The following DYNC2I1 variants were observed in gnomAD, a reference collection of about 807,000 sequenced individuals.
DYNC2I1 encodes cytoplasmic dynein 2 intermediate chain 1.
Under a neutral mutation model 133.4 loss-of-function variants are expected in DYNC2I1, and 89 were observed. The observed-to-expected ratio is 0.67, with a 90% confidence interval of 0.56 to 0.80. DYNC2I1 has a LOEUF of 0.80. Among genes scored for constraint, DYNC2I1 ranks in the 30% least tolerant of loss-of-function variants. The probability of loss-of-function intolerance (pLI) is 0.00; values close to 1 mark genes in which losing one functional copy is unlikely to be tolerated. For missense variants in DYNC2I1, 1,291 were observed against 1,314.5 expected (o/e 0.98, Z 0.28); for synonymous variants, 504 against 484.3 (o/e 1.04, Z -0.54).
At position 158,918,726 on chromosome 7, in the gene DYNC2I1, C is replaced by G. The variant is rs1848727782; in HGVS notation, c.1792-14C>G. 6.2e-7 allele frequency: 1 copy of G among 1,613,156 alleles called. No homozygotes were observed. Among genetic ancestry groups the G allele is most frequent in the African/African-American group, 1.3e-5 (1 of 75,000 alleles). ...TGAAGTTTTTATTAAAGACTACTCA[C>G]TTATGTCTGACAGGTGATGGCCGTT... is the stretch of plus-strand genomic sequence containing the variant. On this transcript the variant is annotated splice_polypyrimidine_tract_variant and intron_variant, in intron 14 of 24. Coordinates refer to ENST00000407559, the MANE Select transcript of DYNC2I1 (RefSeq NM_018051.5).
At position 158,911,537 on chromosome 7, in the gene DYNC2I1, A is replaced by G. The variant is rs749505270; in HGVS notation, c.1461-13A>G. Reference sequence around the variant, plus strand: ...CGAGTTAATTTTTGTCTTGTTTCCAATTTATTTCAAAGGATGCGAAGTACA... The same window carrying G: ...CGAGTTAATTTTTGTCTTGTTTCCAGTTTATTTCAAAGGATGCGAAGTACA... On this transcript the variant is annotated splice_polypyrimidine_tract_variant and intron_variant, in intron 11 of 24. Coordinates refer to ENST00000407559, the MANE Select transcript of DYNC2I1 (RefSeq NM_018051.5). The G allele has an allele frequency of 9.3e-6, 15 of 1,608,168 alleles. No homozygotes were observed. The highest frequency in any genetic ancestry group is 2.2e-5 in the East Asian group (1 of 44,816).
At chr7:158,875,837 A>G (rs1416576055) in intron 3 of DYNC2I1, among the ~76,000 whole-genome samples, 1 of 152,134 alleles carries the variant, frequency 6.6e-6, no homozygotes, top group Non-Finnish European at 1.5e-5. Flanking sequence ...GTGTTGGCCG[A>G]CTGGGCTGGT....
intron 3 of DYNC2I1, among the ~76,000 whole-genome samples, chr7:158,872,458 C>A (rs1842971464): frequency 6.6e-6 from 1 of 151,816 alleles, no homozygotes; most frequent in Non-Finnish European, 1.5e-5. Context: ...CATGGTGAGA[C>A]CCTGTCTCTA....
intron 21 of DYNC2I1, among the ~76,000 whole-genome samples, chr7:158,932,723 TAGG>T (rs1476370051): frequency 3.9e-5 from 6 of 152,024 alleles, no homozygotes; most frequent in Non-Finnish European, 8.8e-5. Context: ...GGAGAGCAGT[TAGG>T]AGGCTTCTGG....
At chr7:158,863,664 G>GC (rs60687484) in intron 1 of DYNC2I1, among the ~76,000 whole-genome samples, 2,545 of 71,754 alleles carry the variant, frequency 0.035, 297 homozygotes, top group East Asian at 0.33. Flanking sequence ...AGCTGGGGGG[G>GC]GGTGTGGGGA....
Position 158,942,034 on chromosome 7 carries a change from C to T in DYNC2I1, c.2888C>T (p.Ser963Phe). ...DSHAVTGLQWSPTRPAVFLVQ... is the reference protein window; with the variant it reads ...DSHAVTGLQWFPTRPAVFLVQ... ...CATGCGGTCACCGGCCTGCAGTGGT[C>T]CCCAACCAGGCCTGCCGTGTTCCTG... The change falls in exon 24 of 25, where the codon TCC (serine) becomes TTC (phenylalanine). Residue 963 changes from serine (S) to phenylalanine (F), a missense_variant. Transcript: ENST00000407559. 1 of 1,613,376 alleles carries T rather than the reference C, an allele frequency of 6.2e-7. No individual in the cohort carries two copies. The highest frequency in any genetic ancestry group is 1.1e-5 in the South Asian group (1 of 91,014).
chr7:158,902,308 T>A (rs1253719191), intron 9 of DYNC2I1, 68 bp from the exon 10 acceptor site: 4 of 1,309,450 alleles, frequency 3.1e-6, no homozygotes, highest in African/African-American at 1.5e-5. Context: ...TCATGTTTTG[T>A]TCAGTATGAG....
intron 4 of DYNC2I1, among the ~76,000 whole-genome samples, chr7:158,878,860 G>T (rs533020147): frequency 2.0e-5 from 3 of 147,634 alleles, no homozygotes; most frequent in South Asian, 4.3e-4. Context: ...GGGTGGCCAG[G>T]AGGGCCGACT....
At chr7:158,884,935 C>A (rs892642626) in intron 6 of DYNC2I1, among the ~76,000 whole-genome samples, 8 of 152,026 alleles carry the variant, frequency 5.3e-5, no homozygotes, top group African/African-American at 1.9e-4. Flanking sequence ...TTAACATTTG[C>A]TCATGCAAAA....
chr7:158,874,610 C>G (rs1408741189), intron 3 of DYNC2I1, among the ~76,000 whole-genome samples: 1 of 152,170 alleles, frequency 6.6e-6, no homozygotes, highest in Non-Finnish European at 1.5e-5. Flanking sequence ...CTCTTCTCAT[C>G]TCCTTTCTTT....
intron 1 of DYNC2I1, among the ~76,000 whole-genome samples, chr7:158,868,775 C>G (rs1842633085): frequency 2.0e-5 from 3 of 152,230 alleles, no homozygotes; most frequent in Admixed American, 6.5e-5. Context: ...CTGATTTGTT[C>G]CTTGGCAGGA....
intron 5 of DYNC2I1, among the ~76,000 whole-genome samples, chr7:158,882,747 G>T (rs548377655): frequency 1.3e-5 from 2 of 152,008 alleles, no homozygotes; most frequent in East Asian, 3.9e-4. Context: ...ATGGTGGCAC[G>T]TGCCTGTAAT....
At chr7:158,850,361 C>T in the DYNC2I1 span, among the ~76,000 whole-genome samples, 1 of 152,206 alleles carries the variant, frequency 6.6e-6, no homozygotes, top group Non-Finnish European at 1.5e-5. Context: ...TTTCTGGCCA[C>T]TCCCAGGCAA....
chr7:158,882,592 A>T (rs962850816), intron 5 of DYNC2I1, among the ~76,000 whole-genome samples: 4 of 151,670 alleles, frequency 2.6e-5, no homozygotes, highest in Non-Finnish European at 5.9e-5. Context: ...TAAAAAAGAG[A>T]CCAGGCATGG....
At chr7:158,895,322 G>A (rs1845662611) in intron 8 of DYNC2I1, among the ~76,000 whole-genome samples, 6 of 152,170 alleles carry the variant, frequency 3.9e-5, no homozygotes, top group Admixed American at 3.9e-4. Flanking sequence ...GTGTTTTCTT[G>A]AGGGGTGTAA....
intron 4 of DYNC2I1, among the ~76,000 whole-genome samples, chr7:158,951,239 TAG>T (rs1852044592): frequency 6.6e-6 from 1 of 152,220 alleles, no homozygotes. Flanking sequence ...TTATGGACAG[TAG>T]AGAGGGAGGT....
Position 158,945,791 on chromosome 7 carries a change from G to A in DYNC2I1, c.*12G>A, listed in dbSNP as rs779982768. On this transcript the variant is annotated 3_prime_UTR_variant, in exon 25 of 25. Transcript: ENST00000407559. This position sits in a 1 kb window ranked among gnomAD's most constrained non-coding sequence, Gnocchi z 4.1. ...AACTGCACAAGTAGCGGGTGTGGCTGAGAGGACCGCGTTTCTGTAATGACC... is the reference window on the plus strand; with the variant it reads ...AACTGCACAAGTAGCGGGTGTGGCTAAGAGGACCGCGTTTCTGTAATGACC... 2.6e-6 allele frequency: 4 copies of A among 1,524,718 alleles called. No individual in the cohort carries two copies. The highest frequency in any genetic ancestry group is 1.3e-5 in the South Asian group (1 of 76,468). The allele number at this position is 1,524,718 out of a possible 1,614,324, so 94.4% of individuals were successfully genotyped here.
intron 8 of DYNC2I1, among the ~76,000 whole-genome samples, chr7:158,894,112 T>TATCATACCGCATATCCTACC (rs1563126231): frequency 3.3e-4 from 16 of 48,630 alleles, no homozygotes; most frequent in Admixed American, 6.9e-4. Context: ...CATATCCTAC[T>TATCATACCGCATATCCTACC]GCATATCCTA....
chr7:158,879,848 T>C lies in DYNC2I1; in HGVS notation c.738T>C (p.Asn246=). Residue 246 remains asparagine, a synonymous_variant, in exon 5 of 25, where the codon AAT becomes AAC. Coordinates refer to ENST00000407559, the MANE Select transcript of DYNC2I1 (RefSeq NM_018051.5). The stretch of plus-strand genomic sequence containing the variant: ...AGAAATATTCCAAAGAGAAAAGTAA[T>C]TCATTCTCTGACAAAGGGGAAGAAA... The part of the protein sequence containing the change: ...KREKYSKEKS[N]SFSDKGEERH... The C allele has an allele frequency of 6.2e-7, 1 of 1,611,618 alleles. No individual in the cohort carries two copies. Among genetic ancestry groups the C allele is most frequent in the Non-Finnish European group, 8.5e-7 (1 of 1,179,240 alleles).
Sources: allele counts gnomAD v4.1 joint callset (sites outside exome capture counted in the v4.1 genomes callset), GRCh38; gene constraint gnomAD v4.1.1; non-coding constraint Gnocchi (gnomAD v3.1); transcripts MANE v1.5; gene names NCBI Gene and HGNC (gene_info 2026-07-23, HGNC 2026-07-21).